Variants in AP3D1 observed in about 807,000 individuals in gnomAD.
AP3D1 encodes the protein AP-3 complex subunit delta-1.
In AP3D1, 51 loss-of-function variants were observed where a neutral mutation model predicts 147.6. The observed-to-expected ratio is 0.35, with a 90% CI of 0.28 to 0.44. AP3D1 has a LOEUF of 0.44. Among genes scored for constraint, AP3D1 ranks in the 20% least tolerant of loss-of-function variants. AP3D1 has a pLI of 1.00. For synonymous variants in AP3D1, 760 were observed against 663.0 expected (o/e 1.15, Z -2.25); for missense variants, 1,421 against 1,624.2 (o/e 0.87, Z 2.15).
intron 6 of AP3D1, 93 bp downstream of exon 6, chr19:2,130,315 C>T (rs2018901905): frequency 1.3e-6 from 2 of 1,559,778 alleles, no homozygotes; most frequent in African/African-American, 2.7e-5. Flanking sequence ...TCACCACTCC[C>T]CGCAGCACCC....
rs11667501 is a variant in AP3D1 at position 2,121,549 on chromosome 19, C to G, written c.1101+185G>C. Among the ~76,000 whole-genome samples, 13 of 152,280 alleles carry G rather than the reference C, an allele frequency of 8.5e-5. No individual in the cohort carries two copies. In the South Asian group the frequency reaches 2.7e-3, roughly 32 times the overall value. ...CTGTTCTGCAGGCTCGGCCCCGCCC[C>G]CTCCACACAGGCCCTGGAAGACAGG... is the stretch of plus-strand genomic sequence containing the variant. On this transcript the variant is annotated intron_variant, in intron 12 of 31. Coordinates refer to ENST00000643116, the MANE Select transcript of AP3D1 (RefSeq NM_001261826.3).
rs745994232 is a variant in AP3D1 at position 2,116,734 on chromosome 19, G to A, written c.1872C>T (p.Asp624=). The A allele has an allele frequency of 6.0e-5, 96 of 1,610,326 alleles. No individual in the cohort carries two copies. The Admixed American group carries it at 9.2e-4, about 16-fold the overall frequency. Residue 624 remains aspartate (D), a synonymous_variant, in exon 17 of 32, where the codon GAC becomes GAT. Transcript: ENST00000643116. ...KVPVPEGLDL[D]AWINEPLSDS... ...CCGAGAGTGGCTCATTGATCCAGGC[G>A]TCCAGGTCCAGGCTGCACCGGACAG...
At chr19:2,142,812 G>C (rs1330359733) in intron 1 of AP3D1, among the ~76,000 whole-genome samples, 1 of 151,892 alleles carries the variant, frequency 6.6e-6, no homozygotes, top group Non-Finnish European at 1.5e-5. Flanking sequence ...GCCCAGGCTG[G>C]AGTACAATGG....
chr19:2,136,006 C>G (rs111801743), intron 4 of AP3D1, among the ~76,000 whole-genome samples: 1 of 150,578 alleles, frequency 6.6e-6, no homozygotes, highest in Non-Finnish European at 1.5e-5. Context: ...AGGCCCCTCC[C>G]GCTACACGGC....
chr19:2,130,574 T>C (rs2018911605), intron 5 of AP3D1, 37 bp from the exon 6 acceptor site: 1 of 1,610,694 alleles, frequency 6.2e-7, no homozygotes, highest in Admixed American at 1.7e-5. Flanking sequence ...GCGGGCTTTC[T>C]GCGCCTCATC....
intron 1 of AP3D1, among the ~76,000 whole-genome samples, chr19:2,149,945 C>T (rs1447582727): frequency 6.6e-6 from 1 of 152,196 alleles, no homozygotes; most frequent in Admixed American, 6.5e-5. Flanking sequence ...GTTAGTTACA[C>T]GTTGTAACCA....
intron 31 of AP3D1, among the ~76,000 whole-genome samples, chr19:2,104,740 C>G (rs886157838): frequency 6.7e-6 from 1 of 149,616 alleles, no homozygotes; most frequent in Non-Finnish European, 1.5e-5. Context: ...AATCAGGGCT[C>G]ACCGTAGCCT....
chr19:2,120,353 G>A (rs1599459668), intron 14 of AP3D1, among the ~76,000 whole-genome samples: 1 of 152,160 alleles, frequency 6.6e-6, no homozygotes, highest in African/African-American at 2.4e-5. Context: ...ACCCATCCCT[G>A]CGGCCCACCT....
At chr19:2,103,805 A>C (rs548651712) in intron 31 of AP3D1, among the ~76,000 whole-genome samples, 1 of 152,308 alleles carries the variant, frequency 6.6e-6, no homozygotes, top group African/African-American at 2.4e-5. Flanking sequence ...ACTCATACAG[A>C]GAGGCCCTCG....
intron 21 of AP3D1, 54 bp downstream of exon 21, chr19:2,114,694 A>G: frequency 6.7e-7 from 1 of 1,499,778 alleles, no homozygotes; most frequent in Non-Finnish European, 9.2e-7. Flanking sequence ...GACGAGAGGA[A>G]GGGAAGCAAC....
chr19:2,112,655 T>C (rs920710623), intron 24 of AP3D1: 10 of 534,822 alleles, frequency 1.9e-5, no homozygotes, highest in African/African-American at 9.7e-5. Context: ...ATAAACTCTA[T>C]GAGACTTATG....
At chr19:2,160,537 A>G (rs544471924) in intron 1 of AP3D1, among the ~76,000 whole-genome samples, 1 of 149,174 alleles carries the variant, frequency 6.7e-6, no homozygotes, top group South Asian at 2.1e-4. Context: ...CTCCGTCTCA[A>G]AAAAAAAAAA....
chr19:2,125,442 A>G lies in AP3D1; in HGVS notation c.857-1563T>C, dbSNP rs1048975743. Among the ~76,000 whole-genome samples, 90 of 152,120 alleles carry G rather than the reference A, an allele frequency of 5.9e-4. 1 individual carries two copies. The highest frequency in any genetic ancestry group is 1.0e-3 in the Non-Finnish European group (68 of 68,012). ...GCAATTCTCCTGCTTCAGCCTCCCA[A>G]GTAGTCGGGATTACAGGCGCCCGAC... is the stretch of plus-strand genomic sequence containing the variant. On this transcript the variant is annotated intron_variant, in intron 9 of 31. Transcript: ENST00000643116.
chr19:2,147,008 G>A (rs1051495960), intron 1 of AP3D1, among the ~76,000 whole-genome samples: 4 of 149,666 alleles, frequency 2.7e-5, no homozygotes, highest in Admixed American at 6.8e-5. Context: ...AGGGGCAGAC[G>A]CTGATCTAGT....
At chr19:2,132,398 C>T in intron 5 of AP3D1, 73 bp downstream of exon 5, 1 of 1,403,692 alleles carries the variant, frequency 7.1e-7, no homozygotes, top group Non-Finnish European at 9.9e-7. Flanking sequence ...GCCAAGCTTC[C>T]CAGGCATGCC....
chr19:2,102,681 T>C (rs1206373487), intron 31 of AP3D1, among the ~76,000 whole-genome samples: 2 of 150,236 alleles, frequency 1.3e-5, no homozygotes, highest in Non-Finnish European at 2.9e-5. Flanking sequence ...TGAGCCGAGA[T>C]CGCGCCACTG....
intron 1 of AP3D1, among the ~76,000 whole-genome samples, chr19:2,150,581 C>G (rs573639295): frequency 3.7e-4 from 57 of 152,324 alleles, no homozygotes; most frequent in African/African-American, 1.3e-3. Context: ...TCCTTCCTCC[C>G]TCCTGGCAGC....
At chr19:2,103,341 G>C (rs1443539154) in intron 31 of AP3D1, among the ~76,000 whole-genome samples, 4 of 152,186 alleles carry the variant, frequency 2.6e-5, no homozygotes, top group African/African-American at 9.7e-5. Context: ...GAGGCAGCCA[G>C]AGGCAGCCGG....
At chr19:2,121,702 A>G (rs2018616118) in intron 12 of AP3D1, 32 bp downstream of exon 12, 6 of 1,545,588 alleles carry the variant, frequency 3.9e-6, no homozygotes, top group East Asian at 2.3e-5. Context: ...AACTAAGGCC[A>G]GGCGGGCGGG....
Sources: gnomAD v4.1 joint callset for allele counts (sites outside exome capture counted in the v4.1 genomes callset) on GRCh38, gnomAD v4.1.1 for gene constraint, MANE v1.5 for transcripts, NCBI Gene and HGNC (gene_info 2026-07-23, HGNC 2026-07-21) for gene names.